BBS4: variants seen among roughly 807,000 people sequenced by gnomAD.
The protein encoded by BBS4 is BBSome complex member BBS4.
Under a neutral mutation model 71.4 loss-of-function variants are expected in BBS4, and 58 were observed. The observed-to-expected ratio is 0.81, with a 90% CI of 0.66 to 1.01. The LOEUF (loss-of-function observed/expected upper bound fraction) is 1.01, where lower values mean the gene tolerates loss of function less well. Among genes scored for constraint, BBS4 ranks in the 50% least tolerant of loss-of-function variants. The pLI is 0.00. For synonymous variants in BBS4, 228 were observed against 216.8 expected, an observed-to-expected ratio of 1.05 and a Z score of -0.46; for missense variants, 660 against 607.9, an observed-to-expected ratio of 1.09 and a Z score of -0.90.
chr15:72,720,601 T>A (rs181141997), intron 6 of BBS4, among the ~76,000 whole-genome samples: 1 of 152,166 alleles, frequency 6.6e-6, no homozygotes. Context: ...ATTATCTTAG[T>A]TGACTTTTGG....
intron 13 of BBS4, 79 bp downstream of exon 13, chr15:72,735,261 T>G (rs1595952441): frequency 9.0e-7 from 1 of 1,111,170 alleles, no homozygotes; most frequent in South Asian, 1.3e-5. Flanking sequence ...ATAGCATTGG[T>G]GCTGCCTGTG....
At chr15:72,686,482 T>G (rs996389479) in intron 1 of BBS4, 7 of 1,528,012 alleles carry the variant, frequency 4.6e-6, no homozygotes, top group Admixed American at 3.9e-5. Context: ...CCTCTTGGGG[T>G]GCGCTGGACG....
At chr15:72,730,149 C>T (rs1295513214) in intron 10 of BBS4, among the ~76,000 whole-genome samples, 1 of 151,726 alleles carries the variant, frequency 6.6e-6, no homozygotes, top group Admixed American at 6.6e-5. Context: ...TGGTGGCGGG[C>T]GCCTGTAGTC....
intron 6 of BBS4, among the ~76,000 whole-genome samples, chr15:72,719,522 C>T (rs145183006): frequency 1.9e-4 from 29 of 151,978 alleles, no homozygotes; most frequent in Non-Finnish European, 3.2e-4. Flanking sequence ...GCTGGGATTA[C>T]AGGTGTGAGC....
rs143534975 is a variant in BBS4 at position 72,703,774 on chromosome 15, T to C, written c.77-5926T>C. Among the ~76,000 whole-genome samples the C allele has an allele frequency of 2.3e-3, 349 of 152,294 alleles. 1 individual carries two copies. The highest frequency in any genetic ancestry group is 8.2e-3 in the African/African-American group (342 of 41,552). The stretch of plus-strand genomic sequence containing the variant: ...TTTAAAGGCTTTACTTGCAATATAT[T>C]TACAAAAGCCTTAGTTATTTAGTAA... On this transcript the variant is annotated intron_variant, in intron 2 of 15. Transcript: ENST00000268057.
At chr15:72,712,127 A>G (rs534504304) in intron 3 of BBS4, 117 bp from the exon 4 acceptor site, 2 of 871,092 alleles carry the variant, frequency 2.3e-6, no homozygotes, top group African/African-American at 3.3e-5. Flanking sequence ...TTGGTCTCCC[A>G]AAGTTTTGGG....
intron 2 of BBS4, among the ~76,000 whole-genome samples, chr15:72,699,313 C>G (rs773683288): frequency 8.5e-5 from 13 of 152,050 alleles, no homozygotes; most frequent in Non-Finnish European, 1.5e-4. Context: ...GTATCGAGCT[C>G]CTGACTTCAT....
Position 72,736,898 on chromosome 15 carries a change from TGG to T in BBS4, c.1387_1388del (p.Gly463LeufsTer2). 6.2e-7 allele frequency: 1 copy of T among 1,614,230 alleles called. No homozygotes were observed. Among genetic ancestry groups the T allele is most frequent in the Non-Finnish European group, 8.5e-7 (1 of 1,180,036 alleles). On this transcript the variant is annotated frameshift_variant, in exon 15 of 16. Transcript: ENST00000268057. LOFTEE classifies it high-confidence loss of function. The stretch of plus-strand genomic sequence containing the variant: ...AAACCTGCCAGTTTCCAGCAGCCTC[TGG>T]GCTCTAATCAAGCTCTAGGACAGGC...
At chr15:72,720,182 T>C (rs1392323297) in intron 6 of BBS4, among the ~76,000 whole-genome samples, 3 of 152,096 alleles carry the variant, frequency 2.0e-5, no homozygotes, top group African/African-American at 7.2e-5. Flanking sequence ...CATAAGTACC[T>C]GTAGAAAACC....
At chr15:72,729,914 C>T (rs1328347301) in intron 10 of BBS4, among the ~76,000 whole-genome samples, 1 of 152,164 alleles carries the variant, frequency 6.6e-6, no homozygotes, top group Non-Finnish European at 1.5e-5. Context: ...CTGCAGAAGG[C>T]AGATCATAGT....
chr15:72,705,079 G>A lies in BBS4; in HGVS notation c.77-4621G>A, dbSNP rs75532812. 7.9e-3 allele frequency among the ~76,000 whole-genome samples: 1,208 copies of A among 152,034 alleles called. 11 individuals carry two copies. Among genetic ancestry groups the A allele is most frequent in the Admixed American group, 0.011 (168 of 15,266 alleles). ...ATTTAAAAGTAAAACCCCCCACCCGGCACTGTTTCTCTTTCCTGCTTTATT... is the reference window on the plus strand; with the variant it reads ...ATTTAAAAGTAAAACCCCCCACCCGACACTGTTTCTCTTTCCTGCTTTATT... On this transcript the variant is annotated intron_variant, in intron 2 of 15. Transcript: ENST00000268057.
chr15:72,723,922 G>A (rs750421826), intron 7 of BBS4, among the ~76,000 whole-genome samples: 1 of 152,146 alleles, frequency 6.6e-6, no homozygotes, highest in Non-Finnish European at 1.5e-5. Flanking sequence ...CAGCTAACAG[G>A]CTAGGCAAAT....
intron 12 of BBS4, among the ~76,000 whole-genome samples, chr15:72,732,968 C>T (rs1222332556): frequency 4.6e-5 from 7 of 152,244 alleles, no homozygotes; most frequent in South Asian, 2.1e-4. Context: ...ACCTGACCCT[C>T]GGGTGACTAG....
At chr15:72,700,003 G>T (rs1211643419) in intron 2 of BBS4, among the ~76,000 whole-genome samples, 1 of 152,132 alleles carries the variant, frequency 6.6e-6, no homozygotes, top group Non-Finnish European at 1.5e-5. Flanking sequence ...GCAGTGGTGC[G>T]ATCTCAGCTC....
chr15:72,687,623 A>G (rs1321847199), intron 1 of BBS4, among the ~76,000 whole-genome samples: 1 of 151,044 alleles, frequency 6.6e-6, no homozygotes, highest in African/African-American at 2.4e-5. Context: ...GAAAGAAAAA[A>G]CAGATTTTAA....
intron 15 of BBS4, 176 bp downstream of exon 15, chr15:72,737,139 G>A: frequency 9.2e-6 from 7 of 757,562 alleles, no homozygotes; most frequent in South Asian, 1.6e-5. Flanking sequence ...TCCTTAAGGC[G>A]AGCTATGTAG....
intron 2 of BBS4, among the ~76,000 whole-genome samples, chr15:72,697,480 C>T (rs1453990215): frequency 2.0e-5 from 3 of 152,138 alleles, no homozygotes; most frequent in Non-Finnish European, 4.4e-5. Context: ...CTGGCTTCTA[C>T]CTGGTAGATG....
intron 7 of BBS4, among the ~76,000 whole-genome samples, chr15:72,723,709 A>G (rs1595936511): frequency 6.6e-6 from 1 of 152,218 alleles, no homozygotes; most frequent in African/African-American, 2.4e-5. Context: ...AACAATATAT[A>G]TACATAAAAT....
chr15:72,731,707 G>A lies in BBS4; in HGVS notation c.1017G>A (p.Glu339=), dbSNP rs764904304. ...AAINFQPKMG[E]LYMLLAVALT... The stretch of plus-strand genomic sequence containing the variant: ...TCAACTTCCAGCCAAAGATGGGGGA[G>A]CTCTACATGCTCTTGGCAGGTAAGA... The change falls in exon 12 of 16, where the codon GAG becomes GAA. Residue 339 remains glutamate (E), a synonymous_variant. Transcript: ENST00000268057. 1.2e-6 allele frequency: 2 copies of A among 1,614,192 alleles called. No homozygotes were observed. Among genetic ancestry groups the A allele is most frequent in the East Asian group, 4.5e-5 (2 of 44,884 alleles).
Sources: allele counts gnomAD v4.1 joint callset (sites outside exome capture counted in the v4.1 genomes callset), GRCh38; gene constraint gnomAD v4.1.1; transcripts MANE v1.5; gene names NCBI Gene and HGNC (gene_info 2026-07-23, HGNC 2026-07-21).